CCDC171: variants seen among roughly 807,000 people sequenced by gnomAD.
CCDC171 encodes coiled-coil domain containing 171.
CCDC171 carries 177 observed loss-of-function variants against 168.2 expected under a neutral mutation model. The observed-to-expected ratio is 1.05, with a 90% confidence interval of 0.93 to 1.19. The LOEUF (loss-of-function observed/expected upper bound fraction) is 1.19, where lower values mean the gene tolerates loss of function less well. Among genes scored for constraint, CCDC171 ranks in the 50% most tolerant of loss-of-function variants. CCDC171 has a pLI of 0.00. For synonymous variants in CCDC171, 687 were observed against 540.8 expected, an observed-to-expected ratio of 1.27 and a Z score of -3.75; for missense variants, 1,991 against 1,539.0, an observed-to-expected ratio of 1.29 and a Z score of -4.91.
chr9:15,644,689 TG>T (rs907254255), intron 7 of CCDC171, among the ~76,000 whole-genome samples: 1 of 152,110 alleles, frequency 6.6e-6, no homozygotes, highest in Non-Finnish European at 1.5e-5. Flanking sequence ...GCAGCGAGGC[TG>T]GGGGAGGAGC....
intron 3 of CCDC171, among the ~76,000 whole-genome samples, chr9:15,998,776 G>A (rs1488729275): frequency 6.6e-6 from 1 of 152,102 alleles, no homozygotes; most frequent in African/African-American, 2.4e-5. Context: ...ATTAAATGCA[G>A]AAACTTTAAA....
chr9:16,017,305 CA>C (rs35127195), intron 3 of CCDC171, among the ~76,000 whole-genome samples: 4 of 151,594 alleles, frequency 2.6e-5, no homozygotes, highest in Admixed American at 6.6e-5. Context: ...TCAAACTGCA[CA>C]AAAAAATACC....
At chr9:15,707,921 C>CT (rs2052368473) in intron 11 of CCDC171, among the ~76,000 whole-genome samples, 1 of 152,192 alleles carries the variant, frequency 6.6e-6, no homozygotes, top group African/African-American at 2.4e-5. Flanking sequence ...GATCCTGGCT[C>CT]ACTGCAACCT....
chr9:15,609,728 A>G (rs182857369), intron 6 of CCDC171, among the ~76,000 whole-genome samples: 4 of 152,252 alleles, frequency 2.6e-5, no homozygotes, highest in Admixed American at 2.6e-4. Context: ...TATTCATTAT[A>G]CCTTTAGAAT....
At chr9:15,710,572 A>T (rs987583712) in intron 11 of CCDC171, among the ~76,000 whole-genome samples, 5 of 151,668 alleles carry the variant, frequency 3.3e-5, no homozygotes, top group African/African-American at 7.3e-5. Context: ...AAGTGCTGGG[A>T]TTACAGGTGT....
chr9:15,576,112 T>C (rs2040636049), intron 3 of CCDC171, among the ~76,000 whole-genome samples: 1 of 100,440 alleles, frequency 1.0e-5, no homozygotes, highest in Non-Finnish European at 2.0e-5. Context: ...AAATTATAGC[T>C]ACATATATAT....
intron 9 of CCDC171, among the ~76,000 whole-genome samples, chr9:15,669,376 G>A (rs1273376533): frequency 6.6e-6 from 1 of 152,026 alleles, no homozygotes; most frequent in Admixed American, 6.6e-5. Context: ...TATGGGGTAT[G>A]TGTGATATTT....
chr9:15,717,474 G>T (rs1465578640), intron 11 of CCDC171, among the ~76,000 whole-genome samples: 1 of 152,144 alleles, frequency 6.6e-6, no homozygotes, highest in Non-Finnish European at 1.5e-5. Flanking sequence ...GGACTTAGAG[G>T]GTATGTGACC....
chr9:16,005,058 ACAATT>A (rs1832656774), intron 3 of CCDC171, among the ~76,000 whole-genome samples: 1 of 152,234 alleles, frequency 6.6e-6, no homozygotes, highest in Admixed American at 6.5e-5. Flanking sequence ...ATTAAAGTGT[ACAATT>A]CAATGATACA....
chr9:15,972,814 C>T lies in CCDC171; in HGVS notation c.*978C>T, dbSNP rs952143373. The stretch of plus-strand genomic sequence containing the variant: ...ACAAAAGTAAAATTGTATGTCAGGC[C>T]GAGATGTCGGGGAGCTGACAAGATG... On this transcript the variant is annotated 3_prime_UTR_variant, in exon 26 of 26. Coordinates refer to ENST00000380701, the MANE Select transcript of CCDC171 (RefSeq NM_173550.4). 2 of 152,004 alleles carry T rather than the reference C, an allele frequency of 1.3e-5. No homozygotes were observed. Among genetic ancestry groups the T allele is most frequent in the African/African-American group, 2.4e-5 (1 of 41,350 alleles). The allele number at this position is 152,004 out of a possible 1,614,324, so 9.4% of individuals were successfully genotyped here.
intron 20 of CCDC171, 127 bp from the exon 21 acceptor site, chr9:15,784,382 A>G (rs540445262): frequency 3.9e-6 from 2 of 514,872 alleles, no homozygotes; most frequent in Admixed American, 3.9e-5. Flanking sequence ...AGAAAAGCTA[A>G]TTGTATTTTT....
intron 6 of CCDC171, among the ~76,000 whole-genome samples, chr9:16,033,540 T>G (rs1301781515): frequency 6.6e-6 from 1 of 152,244 alleles, no homozygotes; most frequent in Non-Finnish European, 1.5e-5. Context: ...GACGGCCTAG[T>G]TGCAGGAAAA....
chr9:16,033,644 A>G (rs183480439), intron 6 of CCDC171, among the ~76,000 whole-genome samples: 115 of 152,302 alleles, frequency 7.6e-4, no homozygotes, highest in African/African-American at 2.6e-3. Flanking sequence ...AACCTAGCAC[A>G]ATAAATCTAA....
chr9:15,886,376 G>A (rs1263966547), intron 24 of CCDC171: 1 of 152,040 alleles, frequency 6.6e-6, no homozygotes, highest in African/African-American at 2.4e-5. Flanking sequence ...GTTCAACACC[G>A]CTAACCATTA....
At chr9:16,055,892 A>G (rs948702120) in intron 1 of CCDC171, among the ~76,000 whole-genome samples, 1 of 152,244 alleles carries the variant, frequency 6.6e-6, no homozygotes, top group Non-Finnish European at 1.5e-5. Flanking sequence ...GTGCTATTAA[A>G]TCAGAAATTT....
intron 8 of CCDC171, among the ~76,000 whole-genome samples, chr9:15,662,339 A>C (rs1430753461): frequency 6.6e-6 from 1 of 150,410 alleles, no homozygotes; most frequent in African/African-American, 2.4e-5. Flanking sequence ...TTGGATAATT[A>C]AAAATAATTC....
the CCDC171 span, among the ~76,000 whole-genome samples, chr9:16,077,676 C>G: frequency 6.6e-6 from 1 of 152,160 alleles, no homozygotes; most frequent in Non-Finnish European, 1.5e-5. Context: ...GCAGCCAAAC[C>G]CCTCCCACTC....
At chr9:15,783,716 T>A (rs563659741) in intron 20 of CCDC171, among the ~76,000 whole-genome samples, 118 of 152,350 alleles carry the variant, frequency 7.7e-4, no homozygotes, top group African/African-American at 2.6e-3. Context: ...TCCATCCCTG[T>A]CTAGAACTGT....
Position 15,874,629 on chromosome 9 carries a change from G to A in CCDC171, c.3566G>A (p.Gly1189Glu). Residue 1189 changes from glycine (G) to glutamate (E), a missense_variant, in exon 24 of 26, where the codon GGG becomes GAG. Coordinates refer to ENST00000380701, the MANE Select transcript of CCDC171 (RefSeq NM_173550.4). ...KLHLETFAMEGLKGGPEVVAC... is the reference protein window; with the variant it reads ...KLHLETFAMEELKGGPEVVAC... The stretch of plus-strand genomic sequence containing the variant: ...CACCTGGAGACCTTTGCAATGGAGG[G>A]GCTCAAGGGCGGGCCAGAGGTGGTA... 6.2e-7 allele frequency: 1 copy of A among 1,601,848 alleles called. No individual in the cohort carries two copies. Among genetic ancestry groups the A allele is most frequent in the Non-Finnish European group, 8.5e-7 (1 of 1,173,970 alleles).
Sources: allele counts gnomAD v4.1 joint callset (sites outside exome capture counted in the v4.1 genomes callset), GRCh38; gene constraint gnomAD v4.1.1; transcripts MANE v1.5; gene names NCBI Gene and HGNC (gene_info 2026-07-23, HGNC 2026-07-21).